The following DNAJC6 variants were observed in gnomAD, a reference collection of about 807,000 sequenced individuals.
The protein encoded by DNAJC6 is auxilin.
A neutral mutation model predicts 110.0 loss-of-function variants in DNAJC6; 34 were observed. The observed-to-expected ratio is 0.31, with a 90% CI of 0.24 to 0.41. The LOEUF (loss-of-function observed/expected upper bound fraction) is 0.41. DNAJC6 is among the 10% of genes least tolerant of loss of function. The pLI, the probability that DNAJC6 is intolerant of heterozygous loss-of-function variation, is 1.00. For synonymous variants in DNAJC6, 406 were observed against 437.2 expected, an observed-to-expected ratio of 0.93 and a Z score of 0.89; for missense variants, 1,031 against 1,207.8, an observed-to-expected ratio of 0.85 and a Z score of 2.17.
At chr1:65,331,149 G>T (rs1427701036) in intron 1 of DNAJC6, among the ~76,000 whole-genome samples, 1 of 152,116 alleles carries the variant, frequency 6.6e-6, no homozygotes, top group Non-Finnish European at 1.5e-5. Context: ...ATTTTGGTTG[G>T]CAAATAGCAG....
At chr1:65,332,942 G>A (rs186823077) in intron 1 of DNAJC6, among the ~76,000 whole-genome samples, 11 of 152,314 alleles carry the variant, frequency 7.2e-5, no homozygotes, top group African/African-American at 2.4e-4. Context: ...GCTCAAAGAT[G>A]TTCTGTTGGC....
At chr1:65,301,614 G>A (rs1395156480) in intron 1 of DNAJC6, among the ~76,000 whole-genome samples, 1 of 152,088 alleles carries the variant, frequency 6.6e-6, no homozygotes. Flanking sequence ...TATAATAAAG[G>A]ATATTACAAA....
At chr1:65,327,842 CT>C (rs1357224221) in intron 1 of DNAJC6, among the ~76,000 whole-genome samples, 2 of 151,886 alleles carry the variant, frequency 1.3e-5, no homozygotes, top group East Asian at 1.9e-4. Flanking sequence ...AAATAGAAAA[CT>C]AAGATATGCC....
At chr1:65,355,294 A>T (rs9436273) in intron 1 of DNAJC6, among the ~76,000 whole-genome samples, 81 of 149,920 alleles carry the variant, frequency 5.4e-4, no homozygotes, top group African/African-American at 2.0e-3. Context: ...AAAGAAAAAG[A>T]TTATCCTAAG....
intron 8 of DNAJC6, among the ~76,000 whole-genome samples, chr1:65,387,629 T>G (rs987606439): frequency 3.9e-5 from 6 of 152,268 alleles, no homozygotes; most frequent in Non-Finnish European, 4.4e-5. Context: ...CAGTACTTCA[T>G]TATCTTATAT....
rs1418301426 is a variant in DNAJC6 at position 65,302,123 on chromosome 1, T to A, written c.-131+37191T>A. On this transcript the variant is annotated intron_variant, in intron 1 of 19. Coordinates refer to the DNAJC6 transcript ENST00000263441. ...ATAATATATAATATATATATATATA[T>A]AAAAAATATATATAATACGTATTAT... 2.1e-3 allele frequency among the ~76,000 whole-genome samples: 32 copies of A among 15,024 alleles called. No homozygotes were observed. The East Asian group carries it at 0.062, about 29-fold the overall frequency. 9.9% of individuals were successfully genotyped at this position (15,024 alleles called of 152,430 possible). A position where few individuals can be genotyped will look rare whatever the true frequency, so the allele number is the denominator to read the frequency against.
In DNAJC6 at chr1:65,361,088, G is replaced by C. The variant is rs978239488; in HGVS notation, c.194-3547G>C. Among the ~76,000 whole-genome samples, 4 of 152,220 alleles carry C rather than the reference G, an allele frequency of 2.6e-5. No individual in the cohort carries two copies. The East Asian group carries it at 7.7e-4, about 29-fold the overall frequency. Reference sequence around the variant, plus strand: ...TGCACAGATATGGGTTTGAATTGCTGACCCTTCCACTCGTTAACTGGACTC... The same window carrying C: ...TGCACAGATATGGGTTTGAATTGCTCACCCTTCCACTCGTTAACTGGACTC... On this transcript the variant is annotated intron_variant, in intron 1 of 18. Coordinates refer to ENST00000371069, the MANE Select transcript of DNAJC6 (RefSeq NM_001256864.2).
chr1:65,404,998 T>C (rs577194841), intron 15 of DNAJC6, among the ~76,000 whole-genome samples: 13 of 152,294 alleles, frequency 8.5e-5, no homozygotes, highest in Admixed American at 2.6e-4. Context: ...TAAATATTAG[T>C]TATTTTATTA....
chr1:65,396,646 C>G (rs1390541302), intron 13 of DNAJC6, among the ~76,000 whole-genome samples: 2 of 152,198 alleles, frequency 1.3e-5, no homozygotes, highest in African/African-American at 4.8e-5. Context: ...CTGCCCTACT[C>G]TACATTCCCC....
chr1:65,414,906 T>G lies in DNAJC6; in HGVS notation c.*1881T>G, dbSNP rs1231743337. 1 of 152,666 alleles carries G rather than the reference T, an allele frequency of 6.6e-6. No individual in the cohort carries two copies. Among genetic ancestry groups the G allele is most frequent in the Non-Finnish European group, 1.5e-5 (1 of 68,038 alleles). The allele number at this position is 152,666 out of a possible 1,614,324, so 9.5% of individuals were successfully genotyped here. Reference sequence around the variant, plus strand: ...GATATTCTGTGGATGTCACGTATTTTGAAATGATAGAACTACATTAGCTTT... The same window carrying G: ...GATATTCTGTGGATGTCACGTATTTGGAAATGATAGAACTACATTAGCTTT... On this transcript the variant is annotated 3_prime_UTR_variant, in exon 19 of 19. Coordinates refer to ENST00000371069, the MANE Select transcript of DNAJC6 (RefSeq NM_001256864.2).
intron 17 of DNAJC6, among the ~76,000 whole-genome samples, 178 bp from the exon 18 acceptor site, chr1:65,411,072 G>A (rs2101644241): frequency 6.6e-6 from 1 of 152,306 alleles, no homozygotes; most frequent in South Asian, 2.1e-4. Context: ...TAACCAGGGA[G>A]ACAAGGTAGG....
chr1:65,383,532 A>C (rs1231410546), intron 5 of DNAJC6, among the ~76,000 whole-genome samples: 1 of 152,048 alleles, frequency 6.6e-6, no homozygotes, highest in Non-Finnish European at 1.5e-5. Flanking sequence ...TGTTTTTCAC[A>C]TTGGCCAAGG....
chr1:65,267,321 G>A (rs937498770), intron 1 of DNAJC6, among the ~76,000 whole-genome samples: 3 of 152,004 alleles, frequency 2.0e-5, no homozygotes, highest in African/African-American at 7.3e-5. Context: ...TATTTCTTTG[G>A]GTCTCAGTTT....
chr1:65,345,229 C>CGTGTGTGT lies in DNAJC6; in HGVS notation c.194-19375_194-19368dup, dbSNP rs55934054. ...ACCATTTTTGTGCTTCTCTCCCTTT[C>CGTGTGTGT]GTGTGTGTGTGTGTGTGTGTGTGTG... On this transcript the variant is annotated intron_variant, in intron 1 of 18. Transcript: ENST00000371069. Among the ~76,000 whole-genome samples, 1,216 of 143,928 alleles carry CGTGTGTGT rather than the reference C, an allele frequency of 8.4e-3. 16 individuals carry two copies. Among genetic ancestry groups the CGTGTGTGT allele is most frequent in the African/African-American group, 0.027 (1,051 of 38,874 alleles). The allele number at this position is 143,928 out of a possible 152,430, so 94.4% of individuals were successfully genotyped here. A position where few individuals can be genotyped will look rare whatever the true frequency, so the allele number is the denominator to read the frequency against.
upstream of DNAJC6, among the ~76,000 whole-genome samples, chr1:65,306,907 C>T (rs534963320): frequency 3.3e-5 from 5 of 151,724 alleles, no homozygotes; most frequent in Non-Finnish European, 7.4e-5. Flanking sequence ...TAAAGCTGCA[C>T]CCAAGACAGA....
chr1:65,359,428 C>T lies in DNAJC6; in HGVS notation c.194-5207C>T, dbSNP rs541671003. On this transcript the variant is annotated intron_variant, in intron 1 of 18. Transcript: ENST00000371069. ...AAAAGTGCAATTCTCTGATGTTTGTCCTTGGTGGGCTTAGATTTTCACACC... is the reference window on the plus strand; with the variant it reads ...AAAAGTGCAATTCTCTGATGTTTGTTCTTGGTGGGCTTAGATTTTCACACC... Among the ~76,000 whole-genome samples, 4 of 152,308 alleles carry T rather than the reference C, an allele frequency of 2.6e-5. No individual in the cohort carries two copies. In the South Asian group the frequency reaches 8.3e-4, roughly 32 times the overall value.
intron 4 of DNAJC6, among the ~76,000 whole-genome samples, chr1:65,372,309 A>G (rs997469784): frequency 6.6e-6 from 1 of 152,160 alleles, no homozygotes; most frequent in Non-Finnish European, 1.5e-5. Context: ...TCCTCAAGAT[A>G]TGGTACATGT....
At chr1:65,324,164 T>G (rs557470183) in intron 1 of DNAJC6, among the ~76,000 whole-genome samples, 1 of 152,072 alleles carries the variant, frequency 6.6e-6, no homozygotes, top group East Asian at 1.9e-4. Context: ...ATAAGTTTTT[T>G]CTCTTTCTTT....
chr1:65,369,753 C>T (rs1391588972), intron 4 of DNAJC6, among the ~76,000 whole-genome samples: 1 of 152,144 alleles, frequency 6.6e-6, no homozygotes, highest in Non-Finnish European at 1.5e-5. Flanking sequence ...CAGGCTGTTT[C>T]CAGGAAGATT....
Sources: allele counts gnomAD v4.1 joint callset (sites outside exome capture counted in the v4.1 genomes callset), GRCh38; gene constraint gnomAD v4.1.1; transcripts MANE v1.5; gene names NCBI Gene and HGNC (gene_info 2026-07-23, HGNC 2026-07-21).